NKAIN3: variants seen among roughly 807,000 people sequenced by gnomAD.
NKAIN3 encodes the protein sodium/potassium transporting ATPase interacting 3, also known as sodium/potassium-transporting ATPase subunit beta-1-interacting protein 3.
A neutral mutation model predicts 30.2 loss-of-function variants in NKAIN3; 25 were observed. That is an observed-to-expected ratio of 0.83 (90% CI 0.60 to 1.16). The LOEUF is 1.16. Among genes scored for constraint, NKAIN3 ranks in the 50% most tolerant of loss-of-function variants. The pLI, the probability that NKAIN3 is intolerant of heterozygous loss-of-function variation, is 0.00. For missense variants in NKAIN3, 225 were observed against 254.1 expected, an observed-to-expected ratio of 0.89 and a Z score of 0.78; for synonymous variants, 91 against 89.6, an observed-to-expected ratio of 1.02 and a Z score of -0.09.
Position 62,965,949 on chromosome 8 carries a change from A to G in NKAIN3, c.*542A>G. 1.0e-6 allele frequency: 1 copy of G among 984,770 alleles called. No homozygotes were observed. Among genetic ancestry groups the G allele is most frequent in the Non-Finnish European group, 1.2e-6 (1 of 829,338 alleles). The allele number at this position is 984,770 out of a possible 1,614,324, so 61.0% of individuals were successfully genotyped here. A position where few individuals can be genotyped will look rare whatever the true frequency, so the allele number is the denominator to read the frequency against. On this transcript the variant is annotated 3_prime_UTR_variant, in exon 7 of 7. Coordinates refer to ENST00000623646, the MANE Select transcript of NKAIN3 (RefSeq NM_001304533.3). ...TTCAACAGCATAAAACAAAACATGG[A>G]GTCCTCCTTTGTTCCTGACTTCTTA...
At chr8:62,806,669 G>A (rs1284913685) in intron 4 of NKAIN3, among the ~76,000 whole-genome samples, 1 of 151,948 alleles carries the variant, frequency 6.6e-6, no homozygotes, top group African/African-American at 2.4e-5. Flanking sequence ...TCGCGGGAGT[G>A]GGGAGGGATA....
Position 62,855,177 on chromosome 8 carries a change from G to T in NKAIN3, c.472-63276G>T, listed in dbSNP as rs539477827. ...CGTGGCAACAGAAAGCCTCAAAAAT[G>T]TAAAGTCCCTCAACTTCTATTGGGC... On this transcript the variant is annotated intron_variant, in intron 4 of 6. Coordinates refer to ENST00000623646, the MANE Select transcript of NKAIN3 (RefSeq NM_001304533.3). 1.1e-5 allele frequency: 3 copies of T among 263,774 alleles called. No individual in the cohort carries two copies. The East Asian group carries it at 2.8e-4, about 24-fold the overall frequency. 16.3% of individuals were successfully genotyped at this position (263,774 alleles called of 1,614,324 possible).
chr8:62,667,363 A>AAATATATATATG lies in NKAIN3; in HGVS notation c.273+77569_273+77570insAATATATATATG, dbSNP rs1563508061. Among the ~76,000 whole-genome samples, 39 of 53,400 alleles carry AAATATATATATG rather than the reference A, an allele frequency of 7.3e-4. 1 individual carries two copies. The highest frequency in any genetic ancestry group is 4.1e-3 in the African/African-American group (38 of 9,356). The allele number at this position is 53,400 out of a possible 152,430, so 35.0% of individuals were successfully genotyped here. A position where few individuals can be genotyped will look rare whatever the true frequency, so the allele number is the denominator to read the frequency against. On this transcript the variant is annotated intron_variant, in intron 3 of 6. Transcript: ENST00000623646. ...ATATATTCTTTATATATATATCTGT[A>AAATATATATATG]TATATATATATAAATATATATATAT...
intron 1 of NKAIN3, among the ~76,000 whole-genome samples, chr8:62,320,522 G>A (rs1814842135): frequency 6.6e-6 from 1 of 152,054 alleles, no homozygotes; most frequent in Admixed American, 6.5e-5. Flanking sequence ...TTTTAGGGCA[G>A]GCCTGGTGGT....
intron 1 of NKAIN3, among the ~76,000 whole-genome samples, chr8:62,268,714 T>C (rs1392675874): frequency 6.6e-6 from 1 of 152,264 alleles, no homozygotes; most frequent in East Asian, 1.9e-4. Flanking sequence ...AGTTAAGTGT[T>C]TCACCCAAGG....
At chr8:62,998,518 A>T (rs1284290583) in intron 5 of NKAIN3, among the ~76,000 whole-genome samples, 1 of 152,052 alleles carries the variant, frequency 6.6e-6, no homozygotes, top group Non-Finnish European at 1.5e-5. Context: ...CAAGTGATCC[A>T]CCTGCCTCGG....
chr8:62,318,794 CT>C (rs1021279195), intron 1 of NKAIN3, among the ~76,000 whole-genome samples: 2 of 152,048 alleles, frequency 1.3e-5, no homozygotes, highest in South Asian at 2.1e-4. Flanking sequence ...CTAAAATTCT[CT>C]TTTTTTGTTG....
chr8:62,603,226 TTGA>T lies in NKAIN3; in HGVS notation c.273+13439_273+13441del, dbSNP rs563149207. 9.1e-3 allele frequency among the ~76,000 whole-genome samples: 1,392 copies of T among 152,254 alleles called. 12 individuals are homozygous for T. The highest frequency in any genetic ancestry group is 0.015 in the Non-Finnish European group (1,031 of 68,008). ...TGACATGTCAATTAAGAGTACAGTC[TTGA>T]TGATGAAGAATTTCTGGTGACATTT... On this transcript the variant is annotated intron_variant, in intron 3 of 6. Coordinates refer to ENST00000623646, the MANE Select transcript of NKAIN3 (RefSeq NM_001304533.3).
intron 1 of NKAIN3, among the ~76,000 whole-genome samples, chr8:62,485,209 C>T (rs930432487): frequency 1.1e-4 from 17 of 152,056 alleles, no homozygotes; most frequent in African/African-American, 4.1e-4. Context: ...GACAAAAGCC[C>T]AAGGGAGAAA....
chr8:62,965,701 G>A lies in NKAIN3; in HGVS notation c.*294G>A. On this transcript the variant is annotated 3_prime_UTR_variant, in exon 7 of 7. Transcript: ENST00000623646. ...AATGTGAGGCATGCAAAATGAAAAA[G>A]CAAATCTGTGAAAACCTTCTACAGT... is the stretch of plus-strand genomic sequence containing the variant. The A allele has an allele frequency of 1.0e-6, 1 of 982,740 alleles. No homozygotes were observed. The highest frequency in any genetic ancestry group is 1.2e-6 in the Non-Finnish European group (1 of 828,254). The allele number at this position is 982,740 out of a possible 1,614,324, so 60.9% of individuals were successfully genotyped here.
At chr8:62,740,678 C>G (rs1348597768) in intron 3 of NKAIN3, among the ~76,000 whole-genome samples, 1 of 151,752 alleles carries the variant, frequency 6.6e-6, no homozygotes, top group Admixed American at 6.6e-5. Context: ...TCTAATATAG[C>G]AACCACACTT....
At chr8:62,602,932 C>G (rs1178385434) in intron 3 of NKAIN3, among the ~76,000 whole-genome samples, 1 of 152,006 alleles carries the variant, frequency 6.6e-6, no homozygotes, top group Non-Finnish European at 1.5e-5. Flanking sequence ...GAGTAGACTC[C>G]AACTGCTGAG....
rs575982302 is a variant in NKAIN3 at position 62,560,579 on chromosome 8, A to T, written c.55-18960A>T. 4.9e-5 allele frequency among the ~76,000 whole-genome samples: 5 copies of T among 102,752 alleles called. No homozygotes were observed. The South Asian group carries it at 1.5e-3, about 32-fold the overall frequency. The allele number at this position is 102,752 out of a possible 152,430, so 67.4% of individuals were successfully genotyped here. A position where few individuals can be genotyped will look rare whatever the true frequency, so the allele number is the denominator to read the frequency against. On this transcript the variant is annotated intron_variant, in intron 1 of 6. Coordinates refer to ENST00000623646, the MANE Select transcript of NKAIN3 (RefSeq NM_001304533.3). Reference sequence around the variant, plus strand: ...TTTGAGACGAAGTTTCTCTCTTGTCACCCAGGCTGTAGTGCAATGGCATCA... The same window carrying T: ...TTTGAGACGAAGTTTCTCTCTTGTCTCCCAGGCTGTAGTGCAATGGCATCA...
intron 3 of NKAIN3, among the ~76,000 whole-genome samples, chr8:62,679,987 A>G (rs1813601076): frequency 6.6e-6 from 1 of 152,228 alleles, no homozygotes; most frequent in African/African-American, 2.4e-5. Context: ...ATGATCCTTT[A>G]AAAGCAGAGA....
At chr8:62,525,848 T>C (rs998585277) in intron 1 of NKAIN3, among the ~76,000 whole-genome samples, 18 of 152,164 alleles carry the variant, frequency 1.2e-4, no homozygotes, top group African/African-American at 4.1e-4. Context: ...TTTTCCTATC[T>C]AAAGTTTCAA....
intron 1 of NKAIN3, among the ~76,000 whole-genome samples, chr8:62,383,844 C>T (rs1046175435): frequency 7.3e-5 from 11 of 151,610 alleles, no homozygotes; most frequent in Admixed American, 7.2e-4. Context: ...GTTTTTTCAC[C>T]TGCTGGTTTA....
At chr8:62,668,551 T>C (rs1205768947) in intron 3 of NKAIN3, among the ~76,000 whole-genome samples, 1 of 152,204 alleles carries the variant, frequency 6.6e-6, no homozygotes, top group Non-Finnish European at 1.5e-5. Flanking sequence ...TCCTAAATGA[T>C]ACGTTTCGTA....
chr8:62,681,835 G>A (rs1813653811), intron 3 of NKAIN3, among the ~76,000 whole-genome samples: 1 of 152,072 alleles, frequency 6.6e-6, no homozygotes, highest in Non-Finnish European at 1.5e-5. Flanking sequence ...TTTAAAATTA[G>A]GATTATAAGA....
At chr8:62,312,788 A>C (rs1814488224) in intron 1 of NKAIN3, among the ~76,000 whole-genome samples, 1 of 150,682 alleles carries the variant, frequency 6.6e-6, no homozygotes. Flanking sequence ...ACTGCGGTAC[A>C]GCCTGAAGCC....
Sources: gnomAD v4.1 joint callset for allele counts (sites outside exome capture counted in the v4.1 genomes callset) on GRCh38, gnomAD v4.1.1 for gene constraint, MANE v1.5 for transcripts, NCBI Gene and HGNC (gene_info 2026-07-23, HGNC 2026-07-21) for gene names.